Variants in TRPM7 observed in about 807,000 individuals in gnomAD.
TRPM7 encodes transient receptor potential cation channel subfamily M member 7, also known as LTRPC ion channel family member 7.
A neutral mutation model predicts 229.7 loss-of-function variants in TRPM7; 134 were observed. The ratio of observed to expected loss-of-function variants is 0.58; its 90% CI spans 0.51 to 0.67. TRPM7 has a LOEUF of 0.67. Ranked by LOEUF, TRPM7 falls within the 30% of genes least tolerant of loss-of-function variation. The pLI is 0.00. For missense variants in TRPM7, 1,901 were observed against 2,210.0 expected, an observed-to-expected ratio of 0.86 and a Z score of 2.80; for synonymous variants, 699 against 715.2, an observed-to-expected ratio of 0.98 and a Z score of 0.36.
intron 26 of TRPM7, 23 bp from the exon 27 acceptor site, chr15:50,589,679 G>C: frequency 6.6e-7 from 1 of 1,522,550 alleles, no homozygotes; most frequent in Non-Finnish European, 8.9e-7. Context: ...AAAAGATGTT[G>C]CAATGAGAAA....
At chr15:50,686,027 C>G (rs2062352449) in intron 1 of TRPM7, among the ~76,000 whole-genome samples, 1 of 152,248 alleles carries the variant, frequency 6.6e-6, no homozygotes. Context: ...GCACAGCAAA[C>G]AAGGCACTGC....
intron 7 of TRPM7, among the ~76,000 whole-genome samples, chr15:50,635,627 C>T (rs2060874807): frequency 1.4e-5 from 2 of 140,074 alleles, no homozygotes; most frequent in Non-Finnish European, 3.0e-5. Context: ...CGTGCCACTG[C>T]ACTCCAGCCT....
intron 1 of TRPM7, among the ~76,000 whole-genome samples, chr15:50,673,612 T>C (rs2062036069): frequency 6.6e-6 from 1 of 151,996 alleles, no homozygotes; most frequent in Non-Finnish European, 1.5e-5. Flanking sequence ...CATTCCTTTT[T>C]ATGGCTGAGA....
At position 50,592,127 on chromosome 15, in the gene TRPM7, G is replaced by GT; in HGVS notation, c.4107dup (p.His1370ThrfsTer10). 6.2e-7 allele frequency: 1 copy of GT among 1,613,390 alleles called. No homozygotes were observed. The highest frequency in any genetic ancestry group is 1.1e-5 in the South Asian group (1 of 90,956). On this transcript the variant is annotated frameshift_variant, in exon 26 of 39. Coordinates refer to ENST00000646667, the MANE Select transcript of TRPM7 (RefSeq NM_017672.6). LOFTEE classifies it high-confidence loss of function. ...AATATTTTTAAGAGTTCTACCCCAT[G>GT]TAGTCTCTGTCGCAGTTCTGGAGGG...
Position 50,580,889 on chromosome 15 carries a change from G to A in TRPM7, c.4577C>T (p.Pro1526Leu), listed in dbSNP as rs767469366. 5 of 1,585,414 alleles carry A rather than the reference G, an allele frequency of 3.2e-6. No homozygotes were observed. The South Asian group carries it at 5.9e-5, about 19-fold the overall frequency. The change falls in exon 30 of 39, where the codon CCA becomes CTA. Residue 1526 changes from proline to leucine, a missense_variant. This residue lies in a region of TRPM7 where 533 missense variants were observed against 497.1 expected (regional missense o/e 1.07). Coordinates refer to ENST00000646667, the MANE Select transcript of TRPM7 (RefSeq NM_017672.6). ...ALIPDWLQDR[P>L]SNREMPSEEG... is the part of the protein sequence containing the mutation. ...GCTTACTTACATTTCTCTGTTTGAT[G>A]GTCTATCTTGTAACCAATCCTTCAG...
chr15:50,674,464 CA>C (rs1409391470), intron 1 of TRPM7, among the ~76,000 whole-genome samples: 3 of 152,142 alleles, frequency 2.0e-5, no homozygotes, highest in African/African-American at 7.2e-5. Flanking sequence ...TCTGATGTCA[CA>C]ATGTATATGT....
intron 7 of TRPM7, among the ~76,000 whole-genome samples, chr15:50,635,886 T>C (rs1280346835): frequency 6.9e-6 from 1 of 144,152 alleles, no homozygotes; most frequent in Non-Finnish European, 1.5e-5. Flanking sequence ...GGCTGAGGGA[T>C]GAGAATCGCT....
intron 28 of TRPM7, 57 bp from the exon 29 acceptor site, chr15:50,583,216 A>G: frequency 8.1e-7 from 1 of 1,232,546 alleles, no homozygotes. Flanking sequence ...TATGAATACC[A>G]ACTAACCAAA....
chr15:50,638,358 C>CAAAA (rs60939201), intron 6 of TRPM7, among the ~76,000 whole-genome samples: 2 of 42,286 alleles, frequency 4.7e-5, no homozygotes, highest in East Asian at 1.2e-3. Context: ...GACTCCGTCT[C>CAAAA]AAAAAAAAAA....
At position 50,567,776 on chromosome 15, in the gene TRPM7, C is replaced by A. The variant is rs547754419; in HGVS notation, c.5467+2111G>T. Among the ~76,000 whole-genome samples the A allele has an allele frequency of 5.9e-5, 9 of 152,092 alleles. No homozygotes were observed. The South Asian group carries it at 1.7e-3, about 28-fold the overall frequency. ...AATCTGACAAAATTCAATATCCATT[C>A]AAGATAAATATTCTCAAGAAACAAG... is the stretch of plus-strand genomic sequence containing the variant. On this transcript the variant is annotated intron_variant, in intron 38 of 38. Transcript: ENST00000646667.
chr15:50,577,558 G>T lies in TRPM7; in HGVS notation c.4618+1081C>A, dbSNP rs142441759. Among the ~76,000 whole-genome samples, 65 of 152,166 alleles carry T rather than the reference G, an allele frequency of 4.3e-4. No individual in the cohort carries two copies. The East Asian group carries it at 0.013, about 29-fold the overall frequency. ...GACAGAGCAAGACTCCTTCTCACCCGGGGGCAGGGAAGGGTGGCAGAATAG... is the reference window on the plus strand; with the variant it reads ...GACAGAGCAAGACTCCTTCTCACCCTGGGGCAGGGAAGGGTGGCAGAATAG... On this transcript the variant is annotated intron_variant, in intron 31 of 38. Transcript: ENST00000646667.
intron 3 of TRPM7, among the ~76,000 whole-genome samples, chr15:50,655,597 T>C (rs891419002): frequency 1.3e-5 from 2 of 151,728 alleles, no homozygotes; most frequent in Non-Finnish European, 2.9e-5. Context: ...ATATTTAAAG[T>C]AGCTAGAGAA....
intron 16 of TRPM7, 56 bp from the exon 17 acceptor site, chr15:50,611,377 C>A: frequency 7.5e-7 from 1 of 1,339,850 alleles, no homozygotes; most frequent in Non-Finnish European, 1.0e-6. Context: ...AATTTTAAAC[C>A]ACTATTCTTA....
At position 50,560,440 on chromosome 15, in the gene TRPM7, G is replaced by A. The variant is rs928959068; in HGVS notation, c.*1238C>T. 6.6e-6 allele frequency: 1 copy of A among 151,538 alleles called. No individual in the cohort carries two copies. The highest frequency in any genetic ancestry group is 1.5e-5 in the Non-Finnish European group (1 of 67,884). The allele number at this position is 151,538 out of a possible 1,614,324, so 9.4% of individuals were successfully genotyped here. A position where few individuals can be genotyped will look rare whatever the true frequency, so the allele number is the denominator to read the frequency against. The stretch of plus-strand genomic sequence containing the variant: ...TAAACAGCTTATCATCTCTTGCCTT[G>A]TCTGTATCTATGAGATACACTACTA... On this transcript the variant is annotated 3_prime_UTR_variant, in exon 39 of 39. Transcript: ENST00000646667.
rs1438041332 is a variant in TRPM7 at position 50,629,418 on chromosome 15, G to A, written c.1205-1169C>T. Among the ~76,000 whole-genome samples the A allele has an allele frequency of 4.7e-5, 7 of 149,528 alleles. 1 individual carries two copies. The highest frequency in any genetic ancestry group is 1.8e-4 in the African/African-American group (7 of 39,882). On this transcript the variant is annotated intron_variant, in intron 10 of 38. Transcript: ENST00000646667. ...CTCTCAAGTAGCTGGGACCACTGGT[G>A]TATGGCACCACACCAGGCTAAGTTT...
chr15:50,631,409 A>G lies in TRPM7; in HGVS notation c.1204+8T>C. On this transcript the variant is annotated splice_region_variant and intron_variant, in intron 10 of 38. Coordinates refer to ENST00000646667, the MANE Select transcript of TRPM7 (RefSeq NM_017672.6). The stretch of plus-strand genomic sequence containing the variant: ...GTCTTACAAATAAAAAAGTTCTTAG[A>G]GGCTTACCTTTTAGCAGTGCAGTAA... 1 of 1,591,382 alleles carries G rather than the reference A, an allele frequency of 6.3e-7. No individual in the cohort carries two copies. Among genetic ancestry groups the G allele is most frequent in the Non-Finnish European group, 8.6e-7 (1 of 1,164,716 alleles).
intron 36 of TRPM7, among the ~76,000 whole-genome samples, chr15:50,573,181 C>A (rs553899500): frequency 6.6e-6 from 1 of 152,264 alleles, no homozygotes; most frequent in South Asian, 2.1e-4. Context: ...CCATCAACTG[C>A]TGAATCTACT....
intron 27 of TRPM7, among the ~76,000 whole-genome samples, chr15:50,586,824 T>C (rs1184410667): frequency 3.3e-5 from 5 of 152,026 alleles, no homozygotes; most frequent in Admixed American, 1.3e-4. Flanking sequence ...CGAGACCATC[T>C]TGGCCAACAT....
rs1214894092 is a variant in TRPM7, at chr15:50,559,408, G to T, written c.*2270C>A. The T allele has an allele frequency of 6.7e-6, 1 of 150,304 alleles. No homozygotes were observed. The highest frequency in any genetic ancestry group is 1.5e-5 in the Non-Finnish European group (1 of 67,836). The allele number at this position is 150,304 out of a possible 1,614,324, so 9.3% of individuals were successfully genotyped here. A position where few individuals can be genotyped will look rare whatever the true frequency, so the allele number is the denominator to read the frequency against. On this transcript the variant is annotated 3_prime_UTR_variant, in exon 39 of 39. Coordinates refer to ENST00000646667, the MANE Select transcript of TRPM7 (RefSeq NM_017672.6). ...GGATTTTGCCATGTTGCCCAGGCTG[G>T]TCTCAAACTCCTGAGCCCAAGTGAT...
Sources: allele counts gnomAD v4.1 joint callset (sites outside exome capture counted in the v4.1 genomes callset), GRCh38; gene constraint gnomAD v4.1.1; regional missense constraint gnomAD v4.1.1; transcripts MANE v1.5; gene names NCBI Gene and HGNC (gene_info 2026-07-23, HGNC 2026-07-21).